Variants in NBPF11 observed in about 807,000 individuals in gnomAD.
The protein encoded by NBPF11 is NBPF member 11.
A neutral mutation model predicts 93.9 loss-of-function variants in NBPF11; 72 were observed. The observed-to-expected ratio is 0.77, with a 90% confidence interval of 0.63 to 0.93. The LOEUF (loss-of-function observed/expected upper bound fraction) is 0.93, where lower values mean the gene tolerates loss of function less well. NBPF11 is among the 40% of genes least tolerant of loss of function. The probability of loss-of-function intolerance (pLI) is 0.00; values close to 1 mark genes in which losing one functional copy is unlikely to be tolerated. For missense variants in NBPF11, 705 were observed against 802.2 expected (o/e 0.88, Z 1.46); for synonymous variants, 224 against 304.9 (o/e 0.73, Z 2.76).
At chr1:148,139,279 C>G (rs1263399688) in intron 2 of NBPF11, among the ~76,000 whole-genome samples, 13 of 148,044 alleles carry the variant, frequency 8.8e-5, no homozygotes, top group African/African-American at 2.3e-4. Context: ...GAGCCATAAA[C>G]AGGACTACTA....
chr1:148,124,929 G>T lies in NBPF11; in HGVS notation c.248C>A (p.Ala83Glu). Reference sequence around the variant, plus strand: ...CTCCTCAGCTTGCTTGAGCTGCTCTGCAAGCTTCTCCTCCTTGAACTGTCG... The same window carrying T: ...CTCCTCAGCTTGCTTGAGCTGCTCTTCAAGCTTCTCCTCCTTGAACTGTCG... The part of the protein sequence containing the change: ...NERQFKEEKL[A>E]EQLKQAEELR... The change falls in exon 6 of 24, where the codon GCA (alanine) becomes GAA (glutamate). Residue 83 changes from alanine (A) to glutamate (E), a missense_variant. By Grantham distance (107) the Ala-to-Glu change is moderately radical. Coordinates refer to ENST00000682118, the MANE Select transcript of NBPF11 (RefSeq NM_001385469.3). 1 of 1,610,038 alleles carries T rather than the reference G, an allele frequency of 6.2e-7. No homozygotes were observed. Among genetic ancestry groups the T allele is most frequent in the Non-Finnish European group, 8.5e-7 (1 of 1,179,838 alleles).
chr1:148,118,122 T>C (rs1483345015), intron 11 of NBPF11, among the ~76,000 whole-genome samples: 3 of 147,974 alleles, frequency 2.0e-5, no homozygotes, highest in Admixed American at 2.0e-4. Context: ...ATACACATAG[T>C]GCATCTTGCG....
chr1:148,133,743 C>T (rs1332846970), intron 4 of NBPF11, among the ~76,000 whole-genome samples: 1 of 150,964 alleles, frequency 6.6e-6, no homozygotes, highest in Admixed American at 6.6e-5. Context: ...TTGAAGGCTT[C>T]ACTCTTCCCC....
chr1:148,132,354 T>C (rs1326442355), intron 4 of NBPF11, among the ~76,000 whole-genome samples: 28 of 93,748 alleles, frequency 3.0e-4, no homozygotes, highest in Admixed American at 3.2e-4. Context: ...ATATATATTC[T>C]ATTTTTTTTT....
intron 12 of NBPF11, 106 bp from the exon 13 acceptor site, chr1:148,116,641 T>C (rs1296122447): frequency 1.2e-5 from 7 of 594,696 alleles, no homozygotes; most frequent in Non-Finnish European, 2.1e-5. Flanking sequence ...TGGGTCACCG[T>C]TCAACTGAAA....
At chr1:148,150,859 C>A (rs1648125166) in intron 1 of NBPF11, among the ~76,000 whole-genome samples, 1 of 151,600 alleles carries the variant, frequency 6.6e-6, no homozygotes, top group Admixed American at 6.6e-5. Flanking sequence ...TCCCGAGTAG[C>A]TGGGACTACA....
intron 15 of NBPF11, among the ~76,000 whole-genome samples, chr1:148,113,416 T>G (rs1336802278): frequency 6.7e-6 from 1 of 148,756 alleles, no homozygotes; most frequent in Non-Finnish European, 1.5e-5. Flanking sequence ...ACAAGAAGAG[T>G]TAACTATCCT....
intron 1 of NBPF11, chr1:148,149,495 G>T: frequency 2.5e-6 from 4 of 1,592,908 alleles, no homozygotes; most frequent in Middle Eastern, 4.5e-4. Context: ...CAACGACATC[G>T]AGCTCTACAG....
chr1:148,104,173 C>T (rs1434746051), intron 23 of NBPF11, among the ~76,000 whole-genome samples: 1 of 144,518 alleles, frequency 6.9e-6, no homozygotes, highest in Non-Finnish European at 1.5e-5. Context: ...AGTGAATTGG[C>T]CAGGTGACAT....
rs1463471730 is a variant in NBPF11 at position 148,135,798 on chromosome 1, T to C, written c.-162A>G. 2 of 687,108 alleles carry C rather than the reference T, an allele frequency of 2.9e-6. No homozygotes were observed. The highest frequency in any genetic ancestry group is 3.6e-5 in the African/African-American group (2 of 55,070). The allele number at this position is 687,108 out of a possible 1,614,324, so 42.6% of individuals were successfully genotyped here. On this transcript the variant is annotated 5_prime_UTR_variant, in exon 4 of 24. It removes an upstream start codon present in the reference 5' UTR. Coordinates refer to ENST00000682118, the MANE Select transcript of NBPF11 (RefSeq NM_001385469.3). Reference sequence around the variant, plus strand: ...GGTATGATATTATTTTGTTTGACCATCCTTATCTTCAAGGGCTACCAAGAA... The same window carrying C: ...GGTATGATATTATTTTGTTTGACCACCCTTATCTTCAAGGGCTACCAAGAA...
chr1:148,142,497 C>T (rs1289258780), intron 2 of NBPF11, among the ~76,000 whole-genome samples: 9 of 151,082 alleles, frequency 6.0e-5, no homozygotes, highest in South Asian at 4.2e-4. Flanking sequence ...AGAAGCTGCC[C>T]GGCTGCAGGT....
rs1352842930 is a variant in NBPF11, at chr1:148,102,282, A to AC, written c.*1613dup. The AC allele has an allele frequency of 6.6e-6, 1 of 151,900 alleles. No homozygotes were observed. The highest frequency in any genetic ancestry group is 1.5e-5 in the Non-Finnish European group (1 of 68,028). The allele number at this position is 151,900 out of a possible 1,614,324, so 9.4% of individuals were successfully genotyped here. A position where few individuals can be genotyped will look rare whatever the true frequency, so the allele number is the denominator to read the frequency against. On this transcript the variant is annotated 3_prime_UTR_variant, in exon 24 of 24. Coordinates refer to ENST00000682118, the MANE Select transcript of NBPF11 (RefSeq NM_001385469.3). The stretch of plus-strand genomic sequence containing the variant: ...AAACAAAGGCACAGTAAAAATTGAG[A>AC]CCCAAAATTTGCAGCGTAGAGATAT...
rs6675526 is a variant in NBPF11 at position 148,126,882 on chromosome 1, C to G, written c.122G>C (p.Arg41Thr). 1.4e-6 allele frequency: 2 copies of G among 1,464,096 alleles called. No homozygotes were observed. The highest frequency in any genetic ancestry group is 4.5e-5 in the East Asian group (2 of 44,044). 90.7% of individuals were successfully genotyped at this position (1,464,096 alleles called of 1,614,324 possible). The change falls in exon 5 of 24, where the codon AGA becomes ACA. Residue 41 changes from arginine to threonine, a missense_variant. Coordinates refer to ENST00000682118, the MANE Select transcript of NBPF11 (RefSeq NM_001385469.3). ...NKQQFRNLKE[R>T]CFLTQLAGFL... ...GCCGGCCAGTTGAGTTAGAAAACAT[C>G]TCTCTTTGAGGTTTCTGAACTGCTG...
At chr1:148,129,298 C>T (rs1248144866) in intron 4 of NBPF11, among the ~76,000 whole-genome samples, 13 of 146,490 alleles carry the variant, frequency 8.9e-5, no homozygotes, top group South Asian at 2.1e-4. Flanking sequence ...ATATATAACA[C>T]GTGTATATAT....
intron 6 of NBPF11, among the ~76,000 whole-genome samples, chr1:148,124,305 T>A (rs1248951770): frequency 2.0e-5 from 3 of 151,898 alleles, no homozygotes; most frequent in Non-Finnish European, 4.4e-5. Context: ...CTTTCCCTTC[T>A]GTAAATAAAA....
At chr1:148,122,025 G>A in intron 9 of NBPF11, 30 bp downstream of exon 9, 4 of 1,356,640 alleles carry the variant, frequency 2.9e-6, no homozygotes, top group South Asian at 1.2e-5. Context: ...CCTAGACAGA[G>A]GTATGAGACA....
rs1427812804 is a variant in NBPF11, at chr1:148,125,119, CTA to C, written c.176-120_176-119del. 4 of 770,034 alleles carry C rather than the reference CTA, an allele frequency of 5.2e-6. No individual in the cohort carries two copies. The African/African-American group carries it at 6.9e-5, about 13-fold the overall frequency. 47.7% of individuals were successfully genotyped at this position (770,034 alleles called of 1,614,324 possible). ...ACAAAACTCTCCCCAGTACCAGGGT[CTA>C]GACAGGGATTTCCACATCTTTACTC... On this transcript the variant is annotated intron_variant, in intron 5 of 23. Transcript: ENST00000682118.
intron 4 of NBPF11, among the ~76,000 whole-genome samples, chr1:148,133,500 A>C (rs1231494994): frequency 1.3e-5 from 2 of 152,076 alleles, no homozygotes; most frequent in Non-Finnish European, 2.9e-5. Context: ...TTCTGTTCTC[A>C]TCATGCTGAG....
At chr1:148,127,894 G>C (rs1669491569) in intron 4 of NBPF11, among the ~76,000 whole-genome samples, 1 of 151,528 alleles carries the variant, frequency 6.6e-6, no homozygotes, top group African/African-American at 2.4e-5. Context: ...CTGACCTCGT[G>C]ATCTGCCGCC....
Sources: gnomAD v4.1 joint callset for allele counts (sites outside exome capture counted in the v4.1 genomes callset) on GRCh38, gnomAD v4.1.1 for gene constraint, MANE v1.5 for transcripts, NCBI Gene and HGNC (gene_info 2026-07-23, HGNC 2026-07-21) for gene names.